Variants in ENAH observed in about 807,000 individuals in gnomAD.
The protein encoded by ENAH is protein enabled homolog.
A neutral mutation model predicts 78.7 loss-of-function variants in ENAH; 23 were observed. That is an observed-to-expected ratio of 0.29 (90% CI 0.21 to 0.41). The LOEUF (loss-of-function observed/expected upper bound fraction) is 0.41. ENAH is among the 10% of genes least tolerant of loss of function. The probability of loss-of-function intolerance (pLI) is 1.00; values close to 1 mark genes in which losing one functional copy is unlikely to be tolerated. For missense variants in ENAH, 544 were observed against 691.0 expected (o/e 0.79, Z 2.39); for synonymous variants, 226 against 241.0 (o/e 0.94, Z 0.58).
At chr1:225,504,235 C>T (rs942945230) in intron 11 of ENAH, among the ~76,000 whole-genome samples, 10 of 151,940 alleles carry the variant, frequency 6.6e-5, no homozygotes, top group Non-Finnish European at 1.3e-4. Context: ...TCTTGAACTC[C>T]GGGCCCCAAA....
chr1:225,629,669 A>T (rs1558934964), intron 1 of ENAH, among the ~76,000 whole-genome samples: 1 of 152,116 alleles, frequency 6.6e-6, no homozygotes, highest in Non-Finnish European at 1.5e-5. Flanking sequence ...ATGGTAGTAG[A>T]GATATTACAT....
intron 1 of ENAH, among the ~76,000 whole-genome samples, chr1:225,616,572 TTTATAA>T (rs1331285673): frequency 2.7e-5 from 4 of 146,932 alleles, no homozygotes; most frequent in Non-Finnish European, 6.2e-5. Context: ...ATATATAGTA[TTTATAA>T]TTATATATTG....
chr1:225,490,231 A>G lies in ENAH; in HGVS notation c.*7544T>C, dbSNP rs1179786762. 1.3e-5 allele frequency: 2 copies of G among 152,190 alleles called. No individual in the cohort carries two copies. The highest frequency in any genetic ancestry group is 4.8e-5 in the African/African-American group (2 of 41,420). 9.4% of individuals were successfully genotyped at this position (152,190 alleles called of 1,614,324 possible). On this transcript the variant is annotated 3_prime_UTR_variant, in exon 14 of 14. Coordinates refer to ENST00000366843, the MANE Select transcript of ENAH (RefSeq NM_018212.6). ...GGGAAATCAAGTCCAACAAGGTGGC[A>G]AAGACATGGACTCAATAACAATTTT...
At chr1:225,545,842 A>G (rs531951574) in intron 3 of ENAH, among the ~76,000 whole-genome samples, 1 of 152,160 alleles carries the variant, frequency 6.6e-6, no homozygotes, top group African/African-American at 2.4e-5. Flanking sequence ...GAAAATTAAA[A>G]CATGGAGAAC....
intron 1 of ENAH, among the ~76,000 whole-genome samples, chr1:225,603,310 C>T (rs1445209227): frequency 1.3e-5 from 2 of 152,056 alleles, no homozygotes; most frequent in Non-Finnish European, 2.9e-5. Flanking sequence ...ACACCGATGG[C>T]TCTTTATTAT....
chr1:225,541,293 G>A (rs1445103632), intron 3 of ENAH, among the ~76,000 whole-genome samples: 2 of 26,312 alleles, frequency 7.6e-5, no homozygotes, highest in Non-Finnish European at 1.4e-4. Context: ...AATTAGCCAG[G>A]CGTTGGTGGC....
chr1:225,591,509 G>A (rs1452167416), intron 1 of ENAH, among the ~76,000 whole-genome samples: 7 of 149,024 alleles, frequency 4.7e-5, no homozygotes, highest in African/African-American at 9.9e-5. Flanking sequence ...GCTCATGCCC[G>A]GAATCCCAGA....
chr1:225,645,366 T>C (rs1016558871), intron 1 of ENAH, among the ~76,000 whole-genome samples: 2 of 152,236 alleles, frequency 1.3e-5, no homozygotes, highest in Non-Finnish European at 2.9e-5. Context: ...TGTATCAGAA[T>C]TCCATTCCTT....
chr1:225,532,141 T>C (rs908101040), intron 3 of ENAH, among the ~76,000 whole-genome samples: 1 of 152,038 alleles, frequency 6.6e-6, no homozygotes, highest in Non-Finnish European at 1.5e-5. Context: ...TCTTGGGAAA[T>C]TAAAATAATG....
chr1:225,652,454 T>C lies in ENAH; in HGVS notation c.5+232A>G, dbSNP rs990795500. The C allele has an allele frequency of 4.1e-6, 4 of 970,958 alleles. No homozygotes were observed. In the African/African-American group the frequency reaches 7.0e-5, roughly 17 times the overall value. 60.1% of individuals were successfully genotyped at this position (970,958 alleles called of 1,614,324 possible). A position where few individuals can be genotyped will look rare whatever the true frequency, so the allele number is the denominator to read the frequency against. ...AAATCCTGGGTGAAAGAAGAGCATT[T>C]GAGGAAAAATGAGAGAACGATGAAG... On this transcript the variant is annotated intron_variant, in intron 1 of 13. Transcript: ENST00000366843.
rs1340245675 is a variant in ENAH at position 225,500,978 on chromosome 1, C to T, written c.1617+14G>A. The stretch of plus-strand genomic sequence containing the variant: ...ACAAGTACAAATAAAGGAAAGCTGC[C>T]ACTGAGCACCCACCTGCTTCAGCCT... On this transcript the variant is annotated intron_variant, in intron 12 of 13. Transcript: ENST00000366843. 1 of 1,611,664 alleles carries T rather than the reference C, an allele frequency of 6.2e-7. No individual in the cohort carries two copies. Among genetic ancestry groups the T allele is most frequent in the East Asian group, 2.2e-5 (1 of 44,862 alleles).
At chr1:225,637,077 C>G (rs1369171964) in intron 1 of ENAH, among the ~76,000 whole-genome samples, 1 of 152,172 alleles carries the variant, frequency 6.6e-6, no homozygotes, top group Non-Finnish European at 1.5e-5. Flanking sequence ...GAAGTGAATT[C>G]ACATGGGGAG....
At chr1:225,598,528 T>C (rs1352262440) in intron 1 of ENAH, among the ~76,000 whole-genome samples, 1 of 120,290 alleles carries the variant, frequency 8.3e-6, no homozygotes, top group Non-Finnish European at 1.9e-5. Context: ...GAGAAGATAG[T>C]AACATTACTG....
At chr1:225,652,428 G>C in intron 1 of ENAH, 1 of 984,886 alleles carries the variant, frequency 1.0e-6, no homozygotes. Flanking sequence ...TTTAGGAAGG[G>C]AAATCCTGGG....
Position 225,497,607 on chromosome 1 carries a change from G to A in ENAH, c.*168C>T. Reference sequence around the variant, plus strand: ...GAGAGGGAAAGAGCTTATCACCAGAGTCATAATGTCTGAAGGCTTTCAGAG... The same window carrying A: ...GAGAGGGAAAGAGCTTATCACCAGAATCATAATGTCTGAAGGCTTTCAGAG... On this transcript the variant is annotated 3_prime_UTR_variant, in exon 14 of 14. Coordinates refer to ENST00000366843, the MANE Select transcript of ENAH (RefSeq NM_018212.6). The A allele has an allele frequency of 1.9e-6, 1 of 513,138 alleles. No homozygotes were observed. The highest frequency in any genetic ancestry group is 3.4e-5 in the South Asian group (1 of 29,266). The allele number at this position is 513,138 out of a possible 1,614,324, so 31.8% of individuals were successfully genotyped here.
At chr1:225,542,567 C>A (rs190315352) in intron 3 of ENAH, among the ~76,000 whole-genome samples, 1 of 152,286 alleles carries the variant, frequency 6.6e-6, no homozygotes, top group Non-Finnish European at 1.5e-5. Flanking sequence ...CAAGAAGCAA[C>A]CTCTATCTAA....
rs1661068998 is a variant in ENAH, at chr1:225,641,556, T to C, written c.5+11130A>G. On this transcript the variant is annotated intron_variant, in intron 1 of 13. Transcript: ENST00000366843. ...CTAAAGATAAAATTTTAAATCTTAA[T>C]ATACAGATGAAAAAAAGAATGGAAA... is the stretch of plus-strand genomic sequence containing the variant. 3.3e-5 allele frequency among the ~76,000 whole-genome samples: 5 copies of C among 149,398 alleles called. 1 individual carries two copies. The South Asian group carries it at 1.1e-3, about 32-fold the overall frequency.
chr1:225,615,244 C>T (rs1268174454), intron 1 of ENAH, among the ~76,000 whole-genome samples: 2 of 152,182 alleles, frequency 1.3e-5, no homozygotes, highest in Non-Finnish European at 2.9e-5. Context: ...GGGGTTTCGC[C>T]GTGTTGGCCC....
Position 225,490,900 on chromosome 1 carries a change from A to T in ENAH, c.*6875T>A, listed in dbSNP as rs1473067960. 1 of 152,194 alleles carries T rather than the reference A, an allele frequency of 6.6e-6. No individual in the cohort carries two copies. The highest frequency in any genetic ancestry group is 1.5e-5 in the Non-Finnish European group (1 of 68,052). The allele number at this position is 152,194 out of a possible 1,614,324, so 9.4% of individuals were successfully genotyped here. On this transcript the variant is annotated 3_prime_UTR_variant, in exon 14 of 14. Transcript: ENST00000366843. Reference sequence around the variant, plus strand: ...AATTCATCACCTCAGACTCACTGTGATGCCCAACCACTGGCACTGGGGTGG... The same window carrying T: ...AATTCATCACCTCAGACTCACTGTGTTGCCCAACCACTGGCACTGGGGTGG...
Sources: allele counts gnomAD v4.1 joint callset (sites outside exome capture counted in the v4.1 genomes callset), GRCh38; gene constraint gnomAD v4.1.1; transcripts MANE v1.5; gene names NCBI Gene and HGNC (gene_info 2026-07-23, HGNC 2026-07-21).